The following LOXHD1 variants were observed in gnomAD, a reference collection of about 807,000 sequenced individuals.
The protein encoded by LOXHD1 is lipoxygenase homology domain-containing protein 1.
Under a neutral mutation model 248.2 loss-of-function variants are expected in LOXHD1, and 205 were observed. The ratio of observed to expected loss-of-function variants is 0.83; its 90% CI spans 0.74 to 0.93. LOXHD1 has a LOEUF of 0.93. LOXHD1 is among the 40% of genes least tolerant of loss of function. LOXHD1 has a pLI of 0.00. For synonymous variants in LOXHD1, 1,113 were observed against 1,162.8 expected (o/e 0.96, Z 0.87); for missense variants, 2,930 against 2,971.6 (o/e 0.99, Z 0.33).
chr18:46,541,920 C>A lies in LOXHD1; in HGVS notation c.3769G>T (p.Val1257Leu). 2 of 1,551,630 alleles carry A rather than the reference C, an allele frequency of 1.3e-6. No homozygotes were observed. Among genetic ancestry groups the A allele is most frequent in the South Asian group, 1.2e-5 (1 of 84,056 alleles). Residue 1257 changes from valine to leucine, a missense_variant, in exon 25 of 41, where the codon GTA (valine) becomes TTA (leucine). Physicochemically the swap from Val to Leu is conservative, Grantham distance 32. Transcript: ENST00000642948. ...DNTGKAPGWF[V>L]DWVEVDAPSL... ...GGGGCATCCACCTCTACCCAGTCTA[C>A]AAACCAGCCTGGGGCCTTGCCTAGA...
chr18:46,608,321 T>G (rs1034175013), intron 6 of LOXHD1, among the ~76,000 whole-genome samples: 1 of 152,226 alleles, frequency 6.6e-6, no homozygotes, highest in Non-Finnish European at 1.5e-5. Context: ...CTTGCCAAGC[T>G]GCCCTTTGAG....
chr18:46,618,230 T>C lies in LOXHD1; in HGVS notation c.572A>G (p.Asp191Gly), dbSNP rs886053842. 9 of 1,551,390 alleles carry C rather than the reference T, an allele frequency of 5.8e-6. No individual in the cohort carries two copies. The Admixed American group carries it at 1.8e-4, about 30-fold the overall frequency. ...GDVIGAGTDADVFINIFGEYG... is the reference protein window; with the variant it reads ...GDVIGAGTDAGVFINIFGEYG... ...CTCTCCAAAAATATTGATGAAGACATCAGCATCTGTCCCTGCACCAATTAC... is the reference window on the plus strand; with the variant it reads ...CTCTCCAAAAATATTGATGAAGACACCAGCATCTGTCCCTGCACCAATTAC... The change falls in exon 5 of 41, where the codon GAT becomes GGT. Residue 191 changes from aspartate to glycine, a missense_variant. Asp to Gly is a moderately conservative substitution (Grantham distance 94). Coordinates refer to ENST00000642948, the MANE Select transcript of LOXHD1 (RefSeq NM_001384474.1).
chr18:46,609,238 G>A (rs146458035), intron 6 of LOXHD1, among the ~76,000 whole-genome samples: 178 of 152,282 alleles, frequency 1.2e-3, no homozygotes, highest in African/African-American at 4.1e-3. Context: ...CGATGGTAAC[G>A]CAGAGAGGGA....
intron 34 of LOXHD1, among the ~76,000 whole-genome samples, chr18:46,511,686 G>A (rs1423116513): frequency 6.6e-6 from 1 of 152,192 alleles, no homozygotes; most frequent in Non-Finnish European, 1.5e-5. Context: ...TATGGTTAGG[G>A]ACCCTGGGAG....
intron 25 of LOXHD1, among the ~76,000 whole-genome samples, chr18:46,540,002 G>A (rs2144341565): frequency 6.6e-6 from 1 of 152,298 alleles, no homozygotes; most frequent in South Asian, 2.1e-4. Context: ...ACTTGCAGTA[G>A]TAATAGTAGT....
Position 46,569,570 on chromosome 18 carries a change from T to C in LOXHD1, c.2116A>G (p.Ile706Val). 3 of 1,551,786 alleles carry C rather than the reference T, an allele frequency of 1.9e-6. No individual in the cohort carries two copies. Among genetic ancestry groups the C allele is most frequent in the Non-Finnish European group, 2.6e-6 (3 of 1,147,012 alleles). ...TCAGATTTATCCCCATAGAGCTTGA[T>C]GTAGACTCTAGAATCCGTGCTGGCC... is the stretch of plus-strand genomic sequence containing the variant. ...SGASTDSRVY[I>V]KLYGDKSDTI... Residue 706 changes from isoleucine to valine, a missense_variant, in exon 16 of 41, where the codon ATC (isoleucine) becomes GTC (valine). Physicochemically the swap from Ile to Val is conservative, Grantham distance 29. Transcript: ENST00000642948.
At chr18:46,653,074 C>T (rs964892881) in intron 1 of LOXHD1, among the ~76,000 whole-genome samples, 90 of 152,196 alleles carry the variant, frequency 5.9e-4, no homozygotes, top group African/African-American at 2.0e-3. Flanking sequence ...TGGTGAAACC[C>T]CGTCTCTACT....
At chr18:46,627,276 T>TAG (rs2038755766) in intron 4 of LOXHD1, among the ~76,000 whole-genome samples, 1 of 152,086 alleles carries the variant, frequency 6.6e-6, no homozygotes, top group African/African-American at 2.4e-5. Flanking sequence ...TGAGAGAGAA[T>TAG]AGACACAAGG....
chr18:46,630,656 G>A (rs72915431), intron 4 of LOXHD1, among the ~76,000 whole-genome samples: 17,110 of 152,204 alleles, frequency 0.11, 1,070 homozygotes, highest in Middle Eastern at 0.19. Flanking sequence ...AGTCAAAGAG[G>A]ACTGAGTAGC....
At chr18:46,567,775 A>G (rs951831075) in intron 16 of LOXHD1, among the ~76,000 whole-genome samples, 2 of 152,252 alleles carry the variant, frequency 1.3e-5, no homozygotes, top group Admixed American at 6.5e-5. Context: ...GGAGGCAAAC[A>G]GAGGTTAAAT....
At chr18:46,522,066 G>C in intron 32 of LOXHD1, 35 bp downstream of exon 32, 1 of 1,503,522 alleles carries the variant, frequency 6.7e-7, no homozygotes, top group African/African-American at 1.4e-5. Context: ...TATCCCTAGG[G>C]TGGTCACTAT....
At chr18:46,488,315 T>C (rs186163609) in intron 38 of LOXHD1, among the ~76,000 whole-genome samples, 5 of 152,064 alleles carry the variant, frequency 3.3e-5, no homozygotes, top group Admixed American at 2.6e-4. Flanking sequence ...ATTATAGGAG[T>C]GAAAAATGTT....
chr18:46,583,050 A>G (rs1185454725), intron 12 of LOXHD1, among the ~76,000 whole-genome samples: 2 of 152,234 alleles, frequency 1.3e-5, no homozygotes, highest in Non-Finnish European at 2.9e-5. Flanking sequence ...TTACACAGAG[A>G]TTGGCAAAAT....
At chr18:46,549,372 T>G (rs1010974015) in intron 21 of LOXHD1, among the ~76,000 whole-genome samples, 3 of 152,146 alleles carry the variant, frequency 2.0e-5, no homozygotes, top group African/African-American at 7.2e-5. Context: ...CAAAATTGAG[T>G]GTTGTACAAT....
intron 8 of LOXHD1, among the ~76,000 whole-genome samples, chr18:46,597,921 T>A (rs1266822381): frequency 1.1e-5 from 1 of 87,366 alleles, no homozygotes; most frequent in Non-Finnish European, 2.3e-5. Context: ...ACCTGGCTAA[T>A]TTTTTGCATT....
rs1229565354 is a variant in LOXHD1, at chr18:46,577,819, C to A, written c.1858G>T (p.Val620Leu). Reference sequence around the variant, plus strand: ...CCTTTGCCATCGTGTCTGATCCTCACCCGCCTCACATTCCGCATGGTGACA... The same window carrying A: ...CCTTTGCCATCGTGTCTGATCCTCAACCGCCTCACATTCCGCATGGTGACA... ...ESVTMRNVRR[V>L]RIRHDGKGSG... is the part of the protein sequence containing the mutation. The change falls in exon 14 of 41, where the codon GTG becomes TTG. Residue 620 changes from valine (V) to leucine (L), a missense_variant. Val to Leu is a conservative substitution (Grantham distance 32). Transcript: ENST00000642948. 1 of 1,551,618 alleles carries A rather than the reference C, an allele frequency of 6.4e-7. No homozygotes were observed.
At chr18:46,589,950 T>C (rs1324742287) in intron 12 of LOXHD1, among the ~76,000 whole-genome samples, 1 of 152,120 alleles carries the variant, frequency 6.6e-6, no homozygotes, top group Non-Finnish European at 1.5e-5. Context: ...TAAAATAGAT[T>C]TCTCTCTAGA....
intron 36 of LOXHD1, 139 bp downstream of exon 36, chr18:46,507,399 A>C (rs2034639767): frequency 3.4e-6 from 3 of 879,420 alleles, no homozygotes; most frequent in Admixed American, 4.6e-5. Flanking sequence ...AAAGCGACAC[A>C]CTGTGGAGAA....
intron 27 of LOXHD1, chr18:46,533,658 T>A (rs561136453): frequency 1.0e-4 from 34 of 330,328 alleles, no homozygotes; most frequent in Middle Eastern, 2.1e-3. Context: ...GCATGGTGGC[T>A]CATGCCTGTA....
Sources: allele counts gnomAD v4.1 joint callset (sites outside exome capture counted in the v4.1 genomes callset), GRCh38; gene constraint gnomAD v4.1.1; transcripts MANE v1.5; gene names NCBI Gene and HGNC (gene_info 2026-07-23, HGNC 2026-07-21).